ZNF660: variants seen among roughly 807,000 people sequenced by gnomAD.
The protein encoded by ZNF660 is zinc finger protein 660.
ZNF660 carries 24 observed loss-of-function variants against 23.2 expected under a neutral mutation model. The ratio of observed to expected loss-of-function variants is 1.04; its 90% CI spans 0.75 to 1.46. The LOEUF (loss-of-function observed/expected upper bound fraction) is 1.46, where lower values mean the gene tolerates loss of function less well. Ranked by LOEUF, ZNF660 falls within the 40% of genes most tolerant of loss-of-function variation. The pLI, the probability that ZNF660 is intolerant of heterozygous loss-of-function variation, is 0.00. For synonymous variants in ZNF660, 117 were observed against 131.4 expected (o/e 0.89, Z 0.75); for missense variants, 373 against 396.8 (o/e 0.94, Z 0.51).
In ZNF660 at chr3:44,599,391, T is replaced by C. The variant is rs1340060075; in HGVS notation, c.*4202T>C. 6.6e-6 allele frequency: 1 copy of C among 152,194 alleles called. No homozygotes were observed. The highest frequency in any genetic ancestry group is 1.5e-5 in the Non-Finnish European group (1 of 68,040). 9.4% of individuals were successfully genotyped at this position (152,194 alleles called of 1,614,324 possible). ...TAGATGGTGCGTCCTGTGTTAGGTA[T>C]TACTTGGAAGAAAATTGAAGTAAAA... On this transcript the variant is annotated 3_prime_UTR_variant, in exon 3 of 3. Coordinates refer to ENST00000322734, the MANE Select transcript of ZNF660 (RefSeq NM_173658.4).
chr3:44,591,776 C>T (rs909052250), intron 2 of ZNF660, among the ~76,000 whole-genome samples: 1 of 152,102 alleles, frequency 6.6e-6, no homozygotes, highest in Non-Finnish European at 1.5e-5. Flanking sequence ...AGGTGGATCA[C>T]CTGAGGTCAG....
rs765469595 is a variant in ZNF660, at chr3:44,597,219, GT to G, written c.*2031del. Reference sequence around the variant, plus strand: ...TACCAAAGTGCCTCTGCCCACCATGGTGGTTCTGTATGTGAGTGGAAGACCA... The same window carrying G: ...TACCAAAGTGCCTCTGCCCACCATGGGGTTCTGTATGTGAGTGGAAGACCA... On this transcript the variant is annotated 3_prime_UTR_variant, in exon 3 of 3. Transcript: ENST00000322734. The surrounding 1 kb of genome is among the most constrained non-coding windows in gnomAD (Gnocchi z 4.1). The G allele has an allele frequency of 6.6e-6, 1 of 152,146 alleles. No individual in the cohort carries two copies. Among genetic ancestry groups the G allele is most frequent in the Non-Finnish European group, 1.5e-5 (1 of 68,038 alleles). The allele number at this position is 152,146 out of a possible 1,614,324, so 9.4% of individuals were successfully genotyped here.
At chr3:44,586,651 T>C (rs1360791999) in intron 2 of ZNF660, 1 of 152,188 alleles carries the variant, frequency 6.6e-6, no homozygotes, top group Non-Finnish European at 1.5e-5. Context: ...AATACACCAT[T>C]ATGGTGTTTC....
At position 44,595,623 on chromosome 3, in the gene ZNF660, A is replaced by G. The variant is rs1418509956; in HGVS notation, c.*434A>G. On this transcript the variant is annotated 3_prime_UTR_variant, in exon 3 of 3. Coordinates refer to ENST00000322734, the MANE Select transcript of ZNF660 (RefSeq NM_173658.4). ...ATAGGTGATTTCTATTTTCTTCTGT[A>G]TACTTTTCTATGCTTTCTAGATTAT... 5.9e-6 allele frequency: 1 copy of G among 169,594 alleles called. No individual in the cohort carries two copies. The highest frequency in any genetic ancestry group is 1.4e-5 in the Non-Finnish European group (1 of 69,786). 10.5% of individuals were successfully genotyped at this position (169,594 alleles called of 1,614,324 possible).
In ZNF660 at chr3:44,598,268, C is replaced by T. The variant is rs1700686860; in HGVS notation, c.*3079C>T. On this transcript the variant is annotated 3_prime_UTR_variant, in exon 3 of 3. Coordinates refer to ENST00000322734, the MANE Select transcript of ZNF660 (RefSeq NM_173658.4). ...GTTCAAGCAATTCTCCTGCCTCAGC[C>T]TCCTGAGTAGCTGAGATTACAGGCA... 6.6e-6 allele frequency: 1 copy of T among 151,836 alleles called. No individual in the cohort carries two copies. Among genetic ancestry groups the T allele is most frequent in the African/African-American group, 2.4e-5 (1 of 41,206 alleles). The allele number at this position is 151,836 out of a possible 1,614,324, so 9.4% of individuals were successfully genotyped here.
chr3:44,588,573 C>T (rs1013244461), intron 2 of ZNF660, among the ~76,000 whole-genome samples: 5 of 151,842 alleles, frequency 3.3e-5, no homozygotes, highest in Admixed American at 6.6e-5. Flanking sequence ...TGGAGTGTGG[C>T]GGCATGATCA....
rs147042905 is a variant in ZNF660, at chr3:44,594,411, C to G, written c.218C>G (p.Thr73Arg). The change falls in exon 3 of 3, where the codon ACG becomes AGG. Residue 73 changes from threonine to arginine, a missense_variant. Physicochemically the swap from Thr to Arg is moderately conservative, Grantham distance 71. Transcript: ENST00000322734. The part of the protein sequence containing the change: ...ANLTVHERIH[T>R]GEKPYKCKEC... Reference sequence around the variant, plus strand: ...CTCACAGTACATGAGCGAATCCACACGGGAGAGAAACCCTATAAGTGTAAG... The same window carrying G: ...CTCACAGTACATGAGCGAATCCACAGGGGAGAGAAACCCTATAAGTGTAAG... 1 of 1,613,226 alleles carries G rather than the reference C, an allele frequency of 6.2e-7. No individual in the cohort carries two copies. Among genetic ancestry groups the G allele is most frequent in the Non-Finnish European group, 8.5e-7 (1 of 1,179,792 alleles).
Position 44,595,330 on chromosome 3 carries a change from A to T in ZNF660, c.*141A>T. The stretch of plus-strand genomic sequence containing the variant: ...AAGTAGACAAAGATTAATGAAAGGG[A>T]TGTTCATGACAGCATCATATACGAC... On this transcript the variant is annotated 3_prime_UTR_variant, in exon 3 of 3. Coordinates refer to ENST00000322734, the MANE Select transcript of ZNF660 (RefSeq NM_173658.4). 2 of 999,740 alleles carry T rather than the reference A, an allele frequency of 2.0e-6. No homozygotes were observed. Among genetic ancestry groups the T allele is most frequent in the Non-Finnish European group, 2.8e-6 (2 of 705,332 alleles). The allele number at this position is 999,740 out of a possible 1,614,324, so 61.9% of individuals were successfully genotyped here. A position where few individuals can be genotyped will look rare whatever the true frequency, so the allele number is the denominator to read the frequency against.
rs1409816054 is a variant in ZNF660 at position 44,598,132 on chromosome 3, CTTTTCTTTTCTTTTTT to C, written c.*2948_*2963del. 9.5e-6 allele frequency: 1 copy of C among 104,850 alleles called. No homozygotes were observed. The highest frequency in any genetic ancestry group is 2.0e-5 in the Non-Finnish European group (1 of 51,112). The allele number at this position is 104,850 out of a possible 1,614,324, so 6.5% of individuals were successfully genotyped here. On this transcript the variant is annotated 3_prime_UTR_variant, in exon 3 of 3. Coordinates refer to ENST00000322734, the MANE Select transcript of ZNF660 (RefSeq NM_173658.4). Reference sequence around the variant, plus strand: ...AATGTGCTTTCTTTTTCTTTCTTTTCTTTTCTTTTCTTTTTTTTTTTTTTTTGAGATGGAATCTCGC... The same window carrying C: ...AATGTGCTTTCTTTTTCTTTCTTTTCTTTTTTTTTTGAGATGGAATCTCGC...
Position 44,597,120 on chromosome 3 carries a change from G to C in ZNF660, c.*1931G>C, listed in dbSNP as rs1174223735. 1 of 152,156 alleles carries C rather than the reference G, an allele frequency of 6.6e-6. No individual in the cohort carries two copies. The highest frequency in any genetic ancestry group is 2.4e-5 in the African/African-American group (1 of 41,430). 9.4% of individuals were successfully genotyped at this position (152,156 alleles called of 1,614,324 possible). On this transcript the variant is annotated 3_prime_UTR_variant, in exon 3 of 3. Coordinates refer to ENST00000322734, the MANE Select transcript of ZNF660 (RefSeq NM_173658.4). The surrounding 1 kb of genome is among the most constrained non-coding windows in gnomAD (Gnocchi z 4.1). ...GAAAATTGAGTGTCATTGAGGTTAG[G>C]TGACTGGCTAGTAAGTTGTCGGAGC...
At position 44,586,091 on chromosome 3, in the gene ZNF660, A is replaced by C. The variant is rs563272009; in HGVS notation, c.-289-14A>C. On this transcript the variant is annotated splice_polypyrimidine_tract_variant and intron_variant, in intron 1 of 2. Transcript: ENST00000322734. ...CAGGGCTCAGAGAACTCAGTCATTTATATCTGTTTACAGTGACTCAAGACC... is the reference window on the plus strand; with the variant it reads ...CAGGGCTCAGAGAACTCAGTCATTTCTATCTGTTTACAGTGACTCAAGACC... 6.6e-6 allele frequency: 1 copy of C among 152,310 alleles called. No individual in the cohort carries two copies. Among genetic ancestry groups the C allele is most frequent in the South Asian group, 2.1e-4 (1 of 4,826 alleles). The allele number at this position is 152,310 out of a possible 1,614,324, so 9.4% of individuals were successfully genotyped here.
chr3:44,585,726 CCT>C (rs777531533), intron 1 of ZNF660, among the ~76,000 whole-genome samples: 10 of 152,242 alleles, frequency 6.6e-5, no homozygotes, highest in Non-Finnish European at 1.3e-4. Flanking sequence ...CAAAGTTCTC[CCT>C]CTCATCCCCC....
rs1275323268 is a variant in ZNF660, at chr3:44,599,375, C to T, written c.*4186C>T. The T allele has an allele frequency of 6.6e-6, 1 of 152,056 alleles. No individual in the cohort carries two copies. Among genetic ancestry groups the T allele is most frequent in the Non-Finnish European group, 1.5e-5 (1 of 68,026 alleles). 9.4% of individuals were successfully genotyped at this position (152,056 alleles called of 1,614,324 possible). A position where few individuals can be genotyped will look rare whatever the true frequency, so the allele number is the denominator to read the frequency against. On this transcript the variant is annotated 3_prime_UTR_variant, in exon 3 of 3. Coordinates refer to ENST00000322734, the MANE Select transcript of ZNF660 (RefSeq NM_173658.4). ...TAGAAATCTTTTTTCATAGATGGTG[C>T]GTCCTGTGTTAGGTATTACTTGGAA...
intron 1 of ZNF660, among the ~76,000 whole-genome samples, chr3:44,585,364 C>G (rs1359369848): frequency 6.6e-6 from 1 of 152,198 alleles, no homozygotes; most frequent in Non-Finnish European, 1.5e-5. Context: ...TCCAATATCC[C>G]TCCCGTTACC....
At position 44,594,588 on chromosome 3, in the gene ZNF660, A is replaced by G; in HGVS notation, c.395A>G (p.Lys132Arg). ...IRHQGIHSGEKTYECKECGKA... is the reference protein window; with the variant it reads ...IRHQGIHSGERTYECKECGKA... Reference sequence around the variant, plus strand: ...CACCAGGGAATCCACAGTGGGGAGAAAACTTATGAATGTAAAGAGTGTGGG... The same window carrying G: ...CACCAGGGAATCCACAGTGGGGAGAGAACTTATGAATGTAAAGAGTGTGGG... The change falls in exon 3 of 3, where the codon AAA (lysine) becomes AGA (arginine). Residue 132 changes from lysine (K) to arginine (R), a missense_variant. Physicochemically the swap from Lys to Arg is conservative, Grantham distance 26. Transcript: ENST00000322734. 2.5e-6 allele frequency: 4 copies of G among 1,613,988 alleles called. No homozygotes were observed. Among genetic ancestry groups the G allele is most frequent in the Non-Finnish European group, 3.4e-6 (4 of 1,179,982 alleles).
intron 1 of ZNF660, among the ~76,000 whole-genome samples, chr3:44,585,364 C>T (rs1359369848): frequency 1.3e-5 from 2 of 152,198 alleles, no homozygotes; most frequent in African/African-American, 4.8e-5. Flanking sequence ...TCCAATATCC[C>T]TCCCGTTACC....
intron 2 of ZNF660, among the ~76,000 whole-genome samples, chr3:44,592,689 C>T (rs1016122599): frequency 5.3e-5 from 8 of 152,172 alleles, no homozygotes; most frequent in African/African-American, 1.9e-4. Context: ...TCAGACTCAC[C>T]CCTTAAGTAG....
Position 44,594,313 on chromosome 3 carries a change from TGA to T in ZNF660, c.126_127del (p.Arg42SerfsTer4), listed in dbSNP as rs1353528382. On this transcript the variant is annotated frameshift_variant, in exon 3 of 3. Transcript: ENST00000322734. LOFTEE classifies it high-confidence loss of function. ...GTCAGTGCTGTGACCCTGCAACAAA[TGA>T]GAGAGTTCAGGCTGAAAAGAGACAG... Reference protein sequence around the residue: ...NSQCCDPATNERVQAEKRQYV... With the variant: ...NSQCCDPATNXRVQAEKRQYV... 1 of 1,614,032 alleles carries T rather than the reference TGA, an allele frequency of 6.2e-7. No homozygotes were observed. The highest frequency in any genetic ancestry group is 8.5e-7 in the Non-Finnish European group (1 of 1,179,984).
chr3:44,586,888 G>A (rs1700240533), intron 2 of ZNF660, among the ~76,000 whole-genome samples: 1 of 152,148 alleles, frequency 6.6e-6, no homozygotes, highest in African/African-American at 2.4e-5. Context: ...AGGGCATAGA[G>A]CTTAATGTAT....
Sources: gnomAD v4.1 joint callset for allele counts (sites outside exome capture counted in the v4.1 genomes callset) on GRCh38, gnomAD v4.1.1 for gene constraint, Gnocchi (gnomAD v3.1) non-coding constraint, MANE v1.5 for transcripts, NCBI Gene and HGNC (gene_info 2026-07-23, HGNC 2026-07-21) for gene names.